MRPL1: variants seen among roughly 807,000 people sequenced by gnomAD.
MRPL1 encodes the protein large ribosomal subunit protein uL1m.
A neutral mutation model predicts 38.0 loss-of-function variants in MRPL1; 28 were observed. That is an observed-to-expected ratio of 0.74 (90% CI 0.55 to 1.01). The LOEUF (loss-of-function observed/expected upper bound fraction) is 1.01. MRPL1 is among the 50% of genes least tolerant of loss of function. MRPL1 has a pLI of 0.00. For synonymous variants in MRPL1, 123 were observed against 126.7 expected (o/e 0.97, Z 0.20); for missense variants, 358 against 389.8 (o/e 0.92, Z 0.69).
At chr4:77,896,478 A>G (rs1735917654) in intron 6 of MRPL1, among the ~76,000 whole-genome samples, 1 of 152,190 alleles carries the variant, frequency 6.6e-6, no homozygotes, top group African/African-American at 2.4e-5. Flanking sequence ...TTCTTTAAAC[A>G]TGAAAACAAA....
chr4:77,895,355 G>T (rs1735887647), intron 6 of MRPL1, among the ~76,000 whole-genome samples: 1 of 152,048 alleles, frequency 6.6e-6, no homozygotes, highest in African/African-American at 2.4e-5. Context: ...ATTGGGAATG[G>T]AGAGGTTGAG....
At chr4:77,917,661 C>G (rs1736451268) in intron 7 of MRPL1, among the ~76,000 whole-genome samples, 1 of 152,004 alleles carries the variant, frequency 6.6e-6, no homozygotes, top group South Asian at 2.1e-4. Context: ...GCTGGTGATA[C>G]AAAAAGATTA....
chr4:77,901,419 A>C (rs904988211), intron 6 of MRPL1, among the ~76,000 whole-genome samples: 1 of 152,008 alleles, frequency 6.6e-6, no homozygotes, highest in Non-Finnish European at 1.5e-5. Flanking sequence ...ATAAATAGTT[A>C]TGATAATTGG....
chr4:77,925,691 G>T, intron 7 of MRPL1, among the ~76,000 whole-genome samples: 1 of 150,718 alleles, frequency 6.6e-6, no homozygotes, highest in African/African-American at 2.4e-5. Flanking sequence ...GAGTTTCAGT[G>T]TGTGAATTTG....
At chr4:77,876,584 TTAG>T (rs1179078319) in intron 2 of MRPL1, among the ~76,000 whole-genome samples, 1 of 152,178 alleles carries the variant, frequency 6.6e-6, no homozygotes, top group Non-Finnish European at 1.5e-5. Flanking sequence ...TGAGAGTTAC[TTAG>T]TAGTTTGATG....
At chr4:77,869,688 C>T (rs979257758) in intron 1 of MRPL1, among the ~76,000 whole-genome samples, 3 of 152,122 alleles carry the variant, frequency 2.0e-5, no homozygotes, top group Non-Finnish European at 4.4e-5. Context: ...CATCCAGGTT[C>T]AAGCGATTCT....
chr4:77,882,977 C>G (rs953259652), intron 2 of MRPL1, among the ~76,000 whole-genome samples: 1 of 152,038 alleles, frequency 6.6e-6, no homozygotes, highest in African/African-American at 2.4e-5. Context: ...ATTGAAATGA[C>G]CTGTTAGTAT....
intron 6 of MRPL1, among the ~76,000 whole-genome samples, chr4:77,900,802 T>G (rs747563147): frequency 5.3e-5 from 8 of 152,142 alleles, no homozygotes; most frequent in Non-Finnish European, 7.4e-5. Flanking sequence ...TTGTGAGAAC[T>G]GTATAAGTGG....
chr4:77,871,162 A>G (rs889361659), intron 1 of MRPL1, among the ~76,000 whole-genome samples: 1 of 152,106 alleles, frequency 6.6e-6, no homozygotes, highest in Admixed American at 6.5e-5. Flanking sequence ...TCAAGGTTAT[A>G]GTGAGCTGTG....
chr4:77,933,619 G>C (rs967424682), intron 7 of MRPL1, among the ~76,000 whole-genome samples: 1 of 152,154 alleles, frequency 6.6e-6, no homozygotes, highest in Non-Finnish European at 1.5e-5. Flanking sequence ...AAAATGAAGA[G>C]AGCCTGAGGG....
chr4:77,907,924 C>G (rs1310411002), intron 6 of MRPL1, among the ~76,000 whole-genome samples: 1 of 145,548 alleles, frequency 6.9e-6, no homozygotes, highest in African/African-American at 2.6e-5. Flanking sequence ...GAGTCTTGCT[C>G]TGTTGCCCAG....
At chr4:77,901,923 G>C (rs2110244476) in intron 6 of MRPL1, among the ~76,000 whole-genome samples, 1 of 152,314 alleles carries the variant, frequency 6.6e-6, no homozygotes, top group Admixed American at 6.5e-5. Flanking sequence ...CACCATGGTA[G>C]ACCATTTGCT....
intron 5 of MRPL1, among the ~76,000 whole-genome samples, chr4:77,887,806 A>G (rs1033292111): frequency 5.3e-5 from 8 of 152,184 alleles, no homozygotes; most frequent in African/African-American, 1.9e-4. Context: ...GGTGTGAGCC[A>G]CCACACCCAA....
At chr4:77,885,371 T>C (rs771380850) in intron 4 of MRPL1, 32 bp downstream of exon 4, 56 of 1,555,916 alleles carry the variant, frequency 3.6e-5, no homozygotes, top group Non-Finnish European at 4.9e-5. Context: ...TTTATATCAT[T>C]TAATTTTTTT....
At chr4:77,918,211 G>GT (rs1279080528) in intron 7 of MRPL1, among the ~76,000 whole-genome samples, 1 of 152,112 alleles carries the variant, frequency 6.6e-6, no homozygotes, top group African/African-American at 2.4e-5. Flanking sequence ...AGGGTCGTTC[G>GT]TATTTCAAAA....
chr4:77,885,636 A>T (rs528887435), intron 4 of MRPL1, among the ~76,000 whole-genome samples: 2 of 152,282 alleles, frequency 1.3e-5, no homozygotes, highest in Admixed American at 1.3e-4. Flanking sequence ...AAGTGCTGGG[A>T]TTACAGGTGT....
chr4:77,946,754 G>A (rs1737278973), intron 7 of MRPL1, among the ~76,000 whole-genome samples: 1 of 152,152 alleles, frequency 6.6e-6, no homozygotes, highest in Non-Finnish European at 1.5e-5. Flanking sequence ...ACTAACCTCT[G>A]TAGTAGTGGT....
At chr4:77,894,817 T>C (rs1298091033) in intron 6 of MRPL1, among the ~76,000 whole-genome samples, 1 of 152,034 alleles carries the variant, frequency 6.6e-6, no homozygotes, top group Admixed American at 6.6e-5. Context: ...TACACATAGG[T>C]GAGGAATCAG....
intron 3 of MRPL1, among the ~76,000 whole-genome samples, chr4:77,884,037 A>G (rs903222444): frequency 2.0e-5 from 3 of 152,198 alleles, no homozygotes. Context: ...TATTTCCTCT[A>G]AGAGAGTCAC....
Sources: gnomAD v4.1 joint callset for allele counts (sites outside exome capture counted in the v4.1 genomes callset) on GRCh38, gnomAD v4.1.1 for gene constraint, MANE v1.5 for transcripts, NCBI Gene and HGNC (gene_info 2026-07-23, HGNC 2026-07-21) for gene names.